Variants in MGMT observed in about 807,000 individuals in gnomAD.
MGMT encodes the protein methylated-DNA--protein-cysteine methyltransferase.
Under a neutral mutation model 15.9 loss-of-function variants are expected in MGMT, and 14 were observed. That is an observed-to-expected ratio of 0.88 (90% CI 0.58 to 1.37). The LOEUF is 1.37. Among genes scored for constraint, MGMT ranks in the 40% most tolerant of loss-of-function variants. MGMT has a pLI of 0.00. For missense variants in MGMT, 282 were observed against 268.1 expected (o/e 1.05, Z -0.36); for synonymous variants, 130 against 118.2 (o/e 1.10, Z -0.65).
chr10:129,590,827 T>C (rs1339326112), intron 2 of MGMT, among the ~76,000 whole-genome samples: 2 of 152,214 alleles, frequency 1.3e-5, no homozygotes, highest in African/African-American at 2.4e-5. Flanking sequence ...GGGGGACCCC[T>C]CGTGAGGAAT....
chr10:129,757,407 C>T (rs1220411660), intron 3 of MGMT, among the ~76,000 whole-genome samples: 1 of 152,180 alleles, frequency 6.6e-6, no homozygotes, highest in Non-Finnish European at 1.5e-5. Flanking sequence ...ACACCTCCCT[C>T]GTTTCATTCC....
At chr10:129,621,145 G>C (rs1037575736) in intron 2 of MGMT, among the ~76,000 whole-genome samples, 9 of 152,130 alleles carry the variant, frequency 5.9e-5, no homozygotes, top group Non-Finnish European at 1.3e-4. Flanking sequence ...AATATAAATA[G>C]CCACTTGGGG....
intron 2 of MGMT, among the ~76,000 whole-genome samples, chr10:129,666,715 T>C (rs1847663108): frequency 6.6e-6 from 1 of 152,226 alleles, no homozygotes; most frequent in Admixed American, 6.5e-5. Flanking sequence ...CTTCCTAATA[T>C]TTTTATCTGT....
intron 1 of MGMT, 31 bp downstream of exon 1, chr10:129,467,327 G>C: frequency 6.5e-7 from 1 of 1,531,268 alleles, no homozygotes; most frequent in Middle Eastern, 1.7e-4. Context: ...GCTCCCGGAA[G>C]AGTGCGGAGC....
At chr10:129,526,343 G>A (rs2119737689) in intron 1 of MGMT, among the ~76,000 whole-genome samples, 1 of 152,284 alleles carries the variant, frequency 6.6e-6, no homozygotes, top group African/African-American at 2.4e-5. Flanking sequence ...AGATTGCAAA[G>A]CTAGTTTTCA....
intron 2 of MGMT, among the ~76,000 whole-genome samples, chr10:129,622,650 T>G (rs564230122): frequency 5.9e-5 from 9 of 152,264 alleles, no homozygotes; most frequent in Non-Finnish European, 8.8e-5. Flanking sequence ...TACATGGCTT[T>G]CTTTCTTTGT....
chr10:129,627,474 C>T (rs1236956565), intron 2 of MGMT, among the ~76,000 whole-genome samples: 4 of 152,142 alleles, frequency 2.6e-5, no homozygotes, highest in African/African-American at 4.8e-5. Context: ...TTTTCGCCCC[C>T]GAGTGTATGA....
chr10:129,689,021 G>C (rs909344838), intron 2 of MGMT, among the ~76,000 whole-genome samples: 2 of 152,044 alleles, frequency 1.3e-5, no homozygotes, highest in Non-Finnish European at 2.9e-5. Context: ...GAGTACAGTG[G>C]CAAGATCTCA....
chr10:129,626,050 C>T (rs1847144936), intron 2 of MGMT, among the ~76,000 whole-genome samples: 1 of 152,188 alleles, frequency 6.6e-6, no homozygotes, highest in African/African-American at 2.4e-5. Flanking sequence ...TTAGGGGAAC[C>T]TGAGGCTGCC....
At chr10:129,694,361 C>T (rs1363918563) in intron 2 of MGMT, 3 of 152,314 alleles carry the variant, frequency 2.0e-5, no homozygotes, top group Admixed American at 1.3e-4. Context: ...CCTGACACCA[C>T]CTCCTGCCTT....
At chr10:129,692,045 G>A (rs771099180) in intron 2 of MGMT, among the ~76,000 whole-genome samples, 4 of 152,210 alleles carry the variant, frequency 2.6e-5, no homozygotes, top group African/African-American at 4.8e-5. Context: ...TGGGGGCACC[G>A]AGCACAGTGC....
At chr10:129,580,783 G>A (rs1356335808) in intron 2 of MGMT, among the ~76,000 whole-genome samples, 1 of 152,142 alleles carries the variant, frequency 6.6e-6, no homozygotes, top group Non-Finnish European at 1.5e-5. Flanking sequence ...CCCCACAACT[G>A]GGCAGCTCAA....
Position 129,626,441 on chromosome 10 carries a change from G to T in MGMT, c.126-81454G>T, listed in dbSNP as rs933131692. ...CTTCCGGCAGCACGTGTGAGTTTCGGGGGTGATTGGAATGTTTCTCCCTGG... is the reference window on the plus strand; with the variant it reads ...CTTCCGGCAGCACGTGTGAGTTTCGTGGGTGATTGGAATGTTTCTCCCTGG... On this transcript the variant is annotated intron_variant, in intron 2 of 4. Transcript: ENST00000651593. 2.6e-5 allele frequency among the ~76,000 whole-genome samples: 4 copies of T among 152,326 alleles called. No individual in the cohort carries two copies. The East Asian group carries it at 7.7e-4, about 29-fold the overall frequency.
intron 1 of MGMT, among the ~76,000 whole-genome samples, chr10:129,476,220 C>G (rs897037238): frequency 5.3e-5 from 8 of 152,198 alleles, no homozygotes; most frequent in African/African-American, 1.7e-4. Flanking sequence ...GAACATCTCC[C>G]AGAGCCTGGG....
At chr10:129,720,941 GGA>G (rs547215460) in intron 3 of MGMT, among the ~76,000 whole-genome samples, 1,277 of 125,906 alleles carry the variant, frequency 0.01, 17 homozygotes, top group African/African-American at 0.036. Flanking sequence ...AATGTCAGGG[GGA>G]AAAAAAAAAA....
chr10:129,764,298 G>A (rs1360126763), intron 4 of MGMT, among the ~76,000 whole-genome samples: 10 of 152,186 alleles, frequency 6.6e-5, no homozygotes, highest in South Asian at 2.1e-4. Context: ...GGGCACACCC[G>A]CTCCCAGGGG....
intron 2 of MGMT, among the ~76,000 whole-genome samples, chr10:129,680,979 A>G (rs989412704): frequency 3.3e-5 from 5 of 152,146 alleles, no homozygotes; most frequent in South Asian, 2.1e-4. Flanking sequence ...TACTGAGACA[A>G]TGTGGTAGCT....
At chr10:129,682,407 AT>A (rs575977913) in intron 2 of MGMT, among the ~76,000 whole-genome samples, 1 of 151,580 alleles carries the variant, frequency 6.6e-6, no homozygotes, top group Non-Finnish European at 1.5e-5. Context: ...AAAAGATAGG[AT>A]TTTTTTTGTA....
intron 2 of MGMT, among the ~76,000 whole-genome samples, chr10:129,591,422 A>C (rs1395407678): frequency 1.3e-5 from 2 of 152,190 alleles, no homozygotes; most frequent in Non-Finnish European, 2.9e-5. Flanking sequence ...ATTCTGGCTC[A>C]GAGATTCTCA....
Sources: allele counts gnomAD v4.1 joint callset (sites outside exome capture counted in the v4.1 genomes callset), GRCh38; gene constraint gnomAD v4.1.1; transcripts MANE v1.5; gene names NCBI Gene and HGNC (gene_info 2026-07-23, HGNC 2026-07-21).